Variants in SSBP3 observed in about 807,000 individuals in gnomAD.
SSBP3 encodes single-stranded DNA-binding protein 3.
Under a neutral mutation model 69.6 loss-of-function variants are expected in SSBP3, and 5 were observed. That is an observed-to-expected ratio of 0.07 (90% CI 0.04 to 0.15). SSBP3 has a LOEUF of 0.15. SSBP3 is among the 10% of genes least tolerant of loss of function. The probability of loss-of-function intolerance (pLI) is 1.00; values close to 1 mark genes in which losing one functional copy is unlikely to be tolerated. For missense variants in SSBP3, 312 were observed against 534.0 expected, an observed-to-expected ratio of 0.58 and a Z score of 4.10; for synonymous variants, 196 against 193.4, an observed-to-expected ratio of 1.01 and a Z score of -0.11.
chr1:54,252,002 G>A (rs1644838888), intron 7 of SSBP3, 142 bp from the exon 8 acceptor site: 2 of 711,810 alleles, frequency 2.8e-6, no homozygotes, highest in Middle Eastern at 3.8e-4. Context: ...CTGCCTGCCA[G>A]TGGGAGAAGG....
At chr1:54,404,749 TAA>T in intron 2 of SSBP3, 107 bp downstream of exon 2, 1 of 1,249,726 alleles carries the variant, frequency 8.0e-7, no homozygotes, top group Non-Finnish European at 1.1e-6. Flanking sequence ...CAAAAGGTGA[TAA>T]AAATTCAAAA....
chr1:54,315,857 G>A (rs4272564), intron 4 of SSBP3, among the ~76,000 whole-genome samples: 11 of 151,606 alleles, frequency 7.3e-5, no homozygotes, highest in Admixed American at 2.0e-4. Context: ...AGACAGGGTC[G>A]CGCCATATTG....
At chr1:54,336,106 C>G (rs1228264892) in intron 4 of SSBP3, among the ~76,000 whole-genome samples, 1 of 152,236 alleles carries the variant, frequency 6.6e-6, no homozygotes, top group Non-Finnish European at 1.5e-5. Flanking sequence ...CTCTAAAGTT[C>G]TTCTAGCACT....
At chr1:54,369,224 G>GGGGC (rs1553146733) in intron 4 of SSBP3, among the ~76,000 whole-genome samples, 4 of 150,538 alleles carry the variant, frequency 2.7e-5, no homozygotes, top group African/African-American at 9.8e-5. Context: ...GAGTCGGGGG[G>GGGGC]GGGGCCCAAG....
intron 4 of SSBP3, among the ~76,000 whole-genome samples, chr1:54,305,438 T>C (rs1645881537): frequency 6.6e-6 from 1 of 152,100 alleles, no homozygotes; most frequent in Non-Finnish European, 1.5e-5. Context: ...TGGCTGGAGT[T>C]GGAGTTTAGG....
intron 5 of SSBP3, among the ~76,000 whole-genome samples, chr1:54,259,835 T>A (rs1644988410): frequency 6.6e-6 from 1 of 152,258 alleles, no homozygotes; most frequent in Non-Finnish European, 1.5e-5. Flanking sequence ...GAGGAGCAGA[T>A]GTTCCCCTAC....
intron 9 of SSBP3, among the ~76,000 whole-genome samples, chr1:54,247,479 C>A (rs564142814): frequency 1.3e-5 from 2 of 152,132 alleles, no homozygotes; most frequent in Non-Finnish European, 2.9e-5. Context: ...GTGCTCAGGA[C>A]CAGGATTAAT....
chr1:54,366,338 T>C lies in SSBP3; in HGVS notation c.276+35523A>G, dbSNP rs183274778. Among the ~76,000 whole-genome samples the C allele has an allele frequency of 1.3e-3, 203 of 152,288 alleles. 8 individuals carry two copies. The South Asian group carries it at 0.027, about 20-fold the overall frequency. On this transcript the variant is annotated intron_variant, in intron 4 of 17. Coordinates refer to ENST00000610401, the Ensembl canonical transcript of SSBP3. ...CCTGGTACAGTATATTTGCACCATA[T>C]ACTGGGCCATTACATAGTTACCTCT...
intron 9 of SSBP3, among the ~76,000 whole-genome samples, chr1:54,245,202 C>T (rs1413751880): frequency 6.6e-6 from 1 of 152,210 alleles, no homozygotes; most frequent in Non-Finnish European, 1.5e-5. Context: ...TTACTGAGTG[C>T]ATGACACACT....
chr1:54,409,402 G>A (rs1649930507), upstream of SSBP3, among the ~76,000 whole-genome samples: 1 of 152,036 alleles, frequency 6.6e-6, no homozygotes. Flanking sequence ...AGACTGGGAG[G>A]GTAGGATCTC....
At chr1:54,275,487 CA>C (rs747864983) in intron 5 of SSBP3, among the ~76,000 whole-genome samples, 4 of 152,250 alleles carry the variant, frequency 2.6e-5, no homozygotes, top group Admixed American at 6.5e-5. Flanking sequence ...CGCTGGAGAG[CA>C]GGGCAGGAAA....
intron 5 of SSBP3, among the ~76,000 whole-genome samples, chr1:54,280,752 C>T (rs1645377821): frequency 7.9e-6 from 1 of 127,366 alleles, no homozygotes; most frequent in Non-Finnish European, 1.9e-5. Flanking sequence ...GCAGCCGCGC[C>T]CAACCTGGCA....
chr1:54,241,360 A>G, intron 12 of SSBP3, 114 bp downstream of exon 12: 1 of 1,187,726 alleles, frequency 8.4e-7, no homozygotes, highest in South Asian at 1.2e-5. Context: ...GCAGTTTGGA[A>G]CCTCTGCTCA....
At chr1:54,353,939 G>A (rs1315482325) in intron 4 of SSBP3, among the ~76,000 whole-genome samples, 1 of 152,156 alleles carries the variant, frequency 6.6e-6, no homozygotes, top group African/African-American at 2.4e-5. Context: ...ATGAGGAGGA[G>A]ACTGCAGCAC....
intron 4 of SSBP3, among the ~76,000 whole-genome samples, chr1:54,355,871 T>C (rs1368789661): frequency 6.6e-6 from 1 of 152,120 alleles, no homozygotes; most frequent in Non-Finnish European, 1.5e-5. Flanking sequence ...ACGTGAGGGC[T>C]CCTGGAACCC....
intron 4 of SSBP3, among the ~76,000 whole-genome samples, chr1:54,290,448 T>C (rs1378741932): frequency 6.6e-6 from 1 of 152,084 alleles, no homozygotes; most frequent in African/African-American, 2.4e-5. Flanking sequence ...AGGCTGGGGA[T>C]GGGGAGACAA....
At chr1:54,381,738 A>C (rs1185534242) in intron 4 of SSBP3, among the ~76,000 whole-genome samples, 1 of 152,236 alleles carries the variant, frequency 6.6e-6, no homozygotes, top group Non-Finnish European at 1.5e-5. Context: ...CCAAGCAACA[A>C]GTCCAAAAAT....
intron 1 of SSBP3, among the ~76,000 whole-genome samples, chr1:54,412,190 G>A (rs374300558): frequency 7.3e-5 from 11 of 151,066 alleles, no homozygotes; most frequent in East Asian, 2.0e-4. Context: ...TCGGCCAGGC[G>A]TGGTGGCCTG....
intron 10 of SSBP3, among the ~76,000 whole-genome samples, chr1:54,242,538 G>A (rs1644658023): frequency 6.6e-6 from 1 of 152,214 alleles, no homozygotes; most frequent in Admixed American, 6.5e-5. Context: ...CTAGAGAACA[G>A]TGGCTACACT....
Sources: gnomAD v4.1 joint callset for allele counts (sites outside exome capture counted in the v4.1 genomes callset) on GRCh38, gnomAD v4.1.1 for gene constraint, MANE v1.5 for transcripts, NCBI Gene and HGNC (gene_info 2026-07-23, HGNC 2026-07-21) for gene names.